The following WWOX variants were observed in gnomAD, a reference collection of about 807,000 sequenced individuals.
WWOX encodes WW domain containing oxidoreductase.
WWOX carries 69 observed loss-of-function variants against 46.2 expected under a neutral mutation model. The observed-to-expected ratio is 1.49, with a 90% CI of 1.23 to 1.82. The LOEUF is 1.82. Ranked by LOEUF, WWOX falls within the 40% of genes most tolerant of loss-of-function variation. The pLI is 0.00. For missense variants in WWOX, 919 were observed against 542.6 expected, an observed-to-expected ratio of 1.69 and a Z score of -6.89; for synonymous variants, 359 against 202.6, an observed-to-expected ratio of 1.77 and a Z score of -6.56.
intron 8 of WWOX, among the ~76,000 whole-genome samples, chr16:79,167,397 G>A (rs1567594149): frequency 6.6e-6 from 1 of 152,250 alleles, no homozygotes; most frequent in East Asian, 1.9e-4. Context: ...GTAGTGTGTA[G>A]TTTCCCTCCA....
chr16:78,683,910 G>T (rs1049286118), intron 8 of WWOX, among the ~76,000 whole-genome samples: 3 of 152,182 alleles, frequency 2.0e-5, no homozygotes, highest in African/African-American at 7.2e-5. Context: ...AAGGTTTACT[G>T]TAAGAGATAA....
chr16:78,780,378 A>C (rs1229771501), intron 8 of WWOX: 3 of 142,624 alleles, frequency 2.1e-5, no homozygotes, highest in African/African-American at 9.3e-5. Flanking sequence ...TCACTGGTTA[A>C]TTAATTAATT....
rs199968406 is a variant in WWOX, at chr16:79,056,215, CAAAAAAAA to C, written c.1057-155381_1057-155374del. Among the ~76,000 whole-genome samples, 8 of 139,182 alleles carry C rather than the reference CAAAAAAAA, an allele frequency of 5.7e-5. No individual in the cohort carries two copies. In the East Asian group the frequency reaches 1.5e-3, roughly 26 times the overall value. 91.3% of individuals were successfully genotyped at this position (139,182 alleles called of 152,430 possible). On this transcript the variant is annotated intron_variant, in intron 8 of 8. Coordinates refer to ENST00000566780, the MANE Select transcript of WWOX (RefSeq NM_016373.4). ...GCTAAGTAATAGGCTGTCACTAGAC[CAAAAAAAA>C]AAAAAAAAAAATTCAGCATTTCTTT...
rs868076339 is a variant in WWOX, at chr16:79,080,207, C to T, written c.1057-131401C>T. ...AGAATCCCGTGGAATCCCACAGTGA[C>T]ACAGCCAAGCCTTGGGAGGGGTGAC... On this transcript the variant is annotated intron_variant, in intron 8 of 8. Coordinates refer to ENST00000566780, the MANE Select transcript of WWOX (RefSeq NM_016373.4). 3.3e-5 allele frequency among the ~76,000 whole-genome samples: 5 copies of T among 152,298 alleles called. No individual in the cohort carries two copies. In the South Asian group the frequency reaches 8.3e-4, roughly 25 times the overall value.
intron 5 of WWOX, among the ~76,000 whole-genome samples, chr16:78,276,464 G>A (rs367954914): frequency 1.5e-4 from 23 of 152,332 alleles, no homozygotes; most frequent in Middle Eastern, 3.4e-3. Flanking sequence ...AATGCACAAA[G>A]CAGAGTTTTT....
chr16:78,353,509 C>T (rs957637572), intron 5 of WWOX, among the ~76,000 whole-genome samples: 18 of 152,196 alleles, frequency 1.2e-4, no homozygotes, highest in Non-Finnish European at 1.6e-4. Context: ...GTCCCTTCTC[C>T]TCTAGCCAGT....
chr16:78,753,051 T>C lies in WWOX; in HGVS notation c.1056+320299T>C, dbSNP rs1187509027. On this transcript the variant is annotated intron_variant, in intron 8 of 8. Coordinates refer to ENST00000566780, the MANE Select transcript of WWOX (RefSeq NM_016373.4). ...AGCTCACGCCTATAATCCCAGCACT[T>C]TGGGAGGCCGAGGCGGGTGGATCAC... Among the ~76,000 whole-genome samples, 4 of 152,202 alleles carry C rather than the reference T, an allele frequency of 2.6e-5. No homozygotes were observed. In the East Asian group the frequency reaches 5.8e-4, roughly 22 times the overall value.
intron 8 of WWOX, among the ~76,000 whole-genome samples, chr16:78,934,145 C>G (rs901894065): frequency 6.6e-6 from 1 of 151,878 alleles, no homozygotes; most frequent in South Asian, 2.1e-4. Flanking sequence ...ACCATCCTGG[C>G]TAACGTGGTG....
chr16:78,946,932 T>C (rs1033679255), intron 8 of WWOX, among the ~76,000 whole-genome samples: 4 of 151,938 alleles, frequency 2.6e-5, no homozygotes, highest in African/African-American at 9.7e-5. Flanking sequence ...TCCTGGAAGA[T>C]TGAGATGAAA....
intron 8 of WWOX, among the ~76,000 whole-genome samples, chr16:78,851,537 G>A (rs1405078577): frequency 6.6e-6 from 1 of 152,214 alleles, no homozygotes; most frequent in East Asian, 1.9e-4. Flanking sequence ...AAGCTGTATT[G>A]CACGTTTGTG....
chr16:78,106,377 G>A (rs1209438605), intron 1 of WWOX, among the ~76,000 whole-genome samples: 2 of 146,786 alleles, frequency 1.4e-5, no homozygotes, highest in South Asian at 2.2e-4. Flanking sequence ...CAGAGAGCGG[G>A]TTATCCTTAC....
intron 5 of WWOX, among the ~76,000 whole-genome samples, chr16:78,260,313 A>G (rs1013737576): frequency 6.6e-6 from 1 of 151,588 alleles, no homozygotes; most frequent in Admixed American, 6.6e-5. Flanking sequence ...ACAAGTTCCC[A>G]CAAAGACCCC....
intron 8 of WWOX, among the ~76,000 whole-genome samples, chr16:78,767,435 T>G (rs2049949757): frequency 6.6e-6 from 1 of 151,900 alleles, no homozygotes; most frequent in African/African-American, 2.4e-5. Flanking sequence ...TGCCACAAAA[T>G]TTCTTTGTTA....
At chr16:78,473,166 G>A (rs1306229532) in intron 8 of WWOX, among the ~76,000 whole-genome samples, 2 of 152,200 alleles carry the variant, frequency 1.3e-5, no homozygotes, top group African/African-American at 4.8e-5. Context: ...GTCTCACTCT[G>A]TCACCCAGGC....
At chr16:79,001,236 G>A (rs2047086721) in intron 8 of WWOX, among the ~76,000 whole-genome samples, 1 of 152,114 alleles carries the variant, frequency 6.6e-6, no homozygotes, top group African/African-American at 2.4e-5. Flanking sequence ...GAGACAGGCT[G>A]GCAGCTTTGC....
chr16:78,737,629 C>A (rs866150519), intron 8 of WWOX, among the ~76,000 whole-genome samples: 1 of 152,158 alleles, frequency 6.6e-6, no homozygotes, highest in African/African-American at 2.4e-5. Flanking sequence ...TTGTATCATT[C>A]TTCTGCCTTT....
intron 4 of WWOX, among the ~76,000 whole-genome samples, chr16:78,119,625 A>T (rs1033210974): frequency 9.0e-5 from 13 of 144,202 alleles, no homozygotes; most frequent in Middle Eastern, 3.6e-3. Context: ...CATCCATTAA[A>T]TTTTTTTTTT....
intron 8 of WWOX, among the ~76,000 whole-genome samples, chr16:79,126,003 G>C (rs2049745943): frequency 6.6e-6 from 1 of 152,160 alleles, no homozygotes; most frequent in African/African-American, 2.4e-5. Flanking sequence ...CATACAGTAG[G>C]TGCTTAGTAG....
intron 5 of WWOX, among the ~76,000 whole-genome samples, chr16:78,360,908 C>T (rs1035296338): frequency 6.6e-6 from 1 of 151,968 alleles, no homozygotes; most frequent in African/African-American, 2.4e-5. Flanking sequence ...GCAGCCTCCA[C>T]CTCCTAGGCT....
Sources: allele counts gnomAD v4.1 joint callset (sites outside exome capture counted in the v4.1 genomes callset), GRCh38; gene constraint gnomAD v4.1.1; transcripts MANE v1.5; gene names NCBI Gene and HGNC (gene_info 2026-07-23, HGNC 2026-07-21).